The following SLAMF1 variants were observed in gnomAD, a reference collection of about 807,000 sequenced individuals.
The protein encoded by SLAMF1 is signaling lymphocytic activation molecule.
SLAMF1 carries 18 observed loss-of-function variants against 35.1 expected under a neutral mutation model. That is an observed-to-expected ratio of 0.51 (90% CI 0.35 to 0.76). The LOEUF (loss-of-function observed/expected upper bound fraction) is 0.76, where lower values mean the gene tolerates loss of function less well. Ranked by LOEUF, SLAMF1 falls within the 30% of genes least tolerant of loss-of-function variation. The pLI is 0.01. For synonymous variants in SLAMF1, 168 were observed against 157.2 expected (o/e 1.07, Z -0.51); for missense variants, 392 against 413.0 (o/e 0.95, Z 0.44).
At chr1:160,640,359 T>TATATATATATATATATATATAC (rs1361053277) in intron 1 of SLAMF1, among the ~76,000 whole-genome samples, 4 of 122,472 alleles carry the variant, frequency 3.3e-5, no homozygotes, top group Admixed American at 2.5e-4. Context: ...TATATATATA[T>TATATATATATATATATATATAC]ACACACACAC....
chr1:160,641,324 G>A (rs761041722), intron 1 of SLAMF1, among the ~76,000 whole-genome samples: 6 of 152,034 alleles, frequency 3.9e-5, no homozygotes, highest in African/African-American at 7.2e-5. Context: ...ATAACCCATC[G>A]CCACCACTCC....
In SLAMF1 at chr1:160,610,862, A is replaced by G; in HGVS notation, c.958-64T>C. On this transcript the variant is annotated intron_variant, in intron 6 of 6. Coordinates refer to ENST00000302035, the MANE Select transcript of SLAMF1 (RefSeq NM_003037.5). The stretch of plus-strand genomic sequence containing the variant: ...ATACTCACTTCACAGAATGCAAATG[A>G]AAACAGCACTGCTGAGGAAAAGGAA... 7 of 1,189,592 alleles carry G rather than the reference A, an allele frequency of 5.9e-6. No homozygotes were observed. In the South Asian group the frequency reaches 8.5e-5, roughly 14 times the overall value. The allele number at this position is 1,189,592 out of a possible 1,614,324, so 73.7% of individuals were successfully genotyped here. A position where few individuals can be genotyped will look rare whatever the true frequency, so the allele number is the denominator to read the frequency against.
At chr1:160,628,499 T>G (rs913971523) in intron 3 of SLAMF1, among the ~76,000 whole-genome samples, 7 of 152,236 alleles carry the variant, frequency 4.6e-5, no homozygotes, top group Non-Finnish European at 1.5e-5. Context: ...AGTTCCTTGA[T>G]TATAATATGT....
In SLAMF1 at chr1:160,608,351, C is replaced by T. The variant is rs5002947; in HGVS notation, c.*2397G>A. On this transcript the variant is annotated 3_prime_UTR_variant, in exon 7 of 7. Coordinates refer to ENST00000302035, the MANE Select transcript of SLAMF1 (RefSeq NM_003037.5). The stretch of plus-strand genomic sequence containing the variant: ...CCTCCTGACTTCTCTAGAATTCAGA[C>T]ATGCTTGGTCAAAAGAAAACAGCAT... 0.31 allele frequency: 47,737 copies of T among 152,044 alleles called. 7,816 individuals are homozygous for T. Among genetic ancestry groups the T allele is most frequent in the Middle Eastern group, 0.43 (125 of 292 alleles). 9.4% of individuals were successfully genotyped at this position (152,044 alleles called of 1,614,324 possible). A position where few individuals can be genotyped will look rare whatever the true frequency, so the allele number is the denominator to read the frequency against.
chr1:160,637,663 T>C (rs1660529100), intron 1 of SLAMF1, 134 bp from the exon 2 acceptor site: 1 of 634,456 alleles, frequency 1.6e-6, no homozygotes, highest in Non-Finnish European at 2.7e-6. Flanking sequence ...AAGTCCTTCG[T>C]GGTCTATAAG....
rs567246902 is a variant in SLAMF1 at position 160,627,632 on chromosome 1, G to A, written c.701-3447C>T. ...GGAAATCAAATGTCAGAGACCCCAT[G>A]CTCTTAGAAATTTGGATAAGTATGA... On this transcript the variant is annotated intron_variant, in intron 3 of 6. Transcript: ENST00000302035. Among the ~76,000 whole-genome samples, 5 of 152,266 alleles carry A rather than the reference G, an allele frequency of 3.3e-5. No individual in the cohort carries two copies. In the East Asian group the frequency reaches 9.6e-4, roughly 29 times the overall value.
At chr1:160,632,356 G>A (rs969872172) in intron 3 of SLAMF1, among the ~76,000 whole-genome samples, 7 of 152,086 alleles carry the variant, frequency 4.6e-5, no homozygotes, top group African/African-American at 1.2e-4. Context: ...AAACCGAGCC[G>A]AGATCCTGAC....
chr1:160,646,213 C>T (rs1661032512), intron 1 of SLAMF1, among the ~76,000 whole-genome samples: 1 of 152,154 alleles, frequency 6.6e-6, no homozygotes, highest in South Asian at 2.1e-4. Context: ...TCTGAGGGTT[C>T]CCAATTTGCA....
In SLAMF1 at chr1:160,619,795, G is replaced by A; in HGVS notation, c.845C>T (p.Ala282Val). 1 of 1,610,560 alleles carries A rather than the reference G, an allele frequency of 6.2e-7. No individual in the cohort carries two copies. The highest frequency in any genetic ancestry group is 1.1e-5 in the South Asian group (1 of 91,014). The change falls in exon 5 of 7, where the codon GCC becomes GTC. Residue 282 changes from alanine (A) to valine (V), a missense_variant. Ala to Val is a moderately conservative substitution (Grantham distance 64). Transcript: ENST00000302035. ...TVEKKSLTIY[A>V]QVQKPGPLQK... The stretch of plus-strand genomic sequence containing the variant: ...ACTTACACCTGGTTTCTGGACTTGG[G>A]CATAGATCGTAAGGCTTTTTTTTTC...
chr1:160,623,542 CA>C (rs1659727530), intron 4 of SLAMF1: 3 of 398,602 alleles, frequency 7.5e-6, no homozygotes, highest in Non-Finnish European at 1.3e-5. Flanking sequence ...GGTCTTGGGT[CA>C]GGACATTTTG....
chr1:160,644,512 A>T (rs528418196), intron 1 of SLAMF1, among the ~76,000 whole-genome samples: 1 of 152,370 alleles, frequency 6.6e-6, no homozygotes, highest in South Asian at 2.1e-4. Context: ...TCACTCAACA[A>T]ATATTTGTGG....
Position 160,638,472 on chromosome 1 carries a change from G to GT in SLAMF1, c.77-944dup, listed in dbSNP as rs939898623. On this transcript the variant is annotated intron_variant, in intron 1 of 6. Coordinates refer to ENST00000302035, the MANE Select transcript of SLAMF1 (RefSeq NM_003037.5). The stretch of plus-strand genomic sequence containing the variant: ...TTGCCTCTGTCCCTCACATTATCAG[G>GT]TTTTTTTTTACTAGGTTATTTCCAT... Among the ~76,000 whole-genome samples, 27 of 151,388 alleles carry GT rather than the reference G, an allele frequency of 1.8e-4. No individual in the cohort carries two copies. The South Asian group carries it at 3.3e-3, about 19-fold the overall frequency.
At chr1:160,637,133 C>A (rs771884062) in intron 2 of SLAMF1, 58 bp downstream of exon 2, 2 of 1,179,868 alleles carry the variant, frequency 1.7e-6, no homozygotes, top group Admixed American at 1.8e-5. Flanking sequence ...GACCTAAATT[C>A]TTGGTCAAAG....
intron 1 of SLAMF1, among the ~76,000 whole-genome samples, chr1:160,641,137 T>C (rs1051525221): frequency 6.6e-6 from 1 of 152,204 alleles, no homozygotes; most frequent in African/African-American, 2.4e-5. Context: ...CAGACTTTTG[T>C]ATAAAAAGTT....
Position 160,637,252 on chromosome 1 carries a change from G to A in SLAMF1, c.354C>T (p.Tyr118=). 6.2e-7 allele frequency: 1 copy of A among 1,614,036 alleles called. No homozygotes were observed. Among genetic ancestry groups the A allele is most frequent in the Non-Finnish European group, 8.5e-7 (1 of 1,179,982 alleles). The change falls in exon 2 of 7, where the codon TAC becomes TAT. Residue 118 remains tyrosine (Y), a synonymous_variant. Transcript: ENST00000302035. ...RESRKEDEGW[Y]LMTLEKNVSV... ...AAACATTTTTCTCCAGGGTCATAAG[G>A]TACCATCCCTCATCCTCCTTCCTGC...
chr1:160,618,063 ACT>A (rs1309713836), intron 5 of SLAMF1, among the ~76,000 whole-genome samples: 1 of 146,216 alleles, frequency 6.8e-6, no homozygotes, highest in Non-Finnish European at 1.5e-5. Context: ...ATAAAGCAAG[ACT>A]CTGTCAAAAA....
chr1:160,625,721 C>T (rs1021348445), intron 3 of SLAMF1, among the ~76,000 whole-genome samples: 1 of 151,938 alleles, frequency 6.6e-6, no homozygotes, highest in African/African-American at 2.4e-5. Context: ...GCAGAGAGTT[C>T]TGAATTTGTA....
At chr1:160,633,233 A>G (rs564692790) in intron 3 of SLAMF1, among the ~76,000 whole-genome samples, 2 of 152,262 alleles carry the variant, frequency 1.3e-5, no homozygotes, top group South Asian at 2.1e-4. Flanking sequence ...ACTGGGGGGT[A>G]GCCTCTGAAT....
Position 160,625,984 on chromosome 1 carries a change from C to T in SLAMF1, c.701-1799G>A, listed in dbSNP as rs573795627. 3.9e-5 allele frequency among the ~76,000 whole-genome samples: 6 copies of T among 152,266 alleles called. No homozygotes were observed. In the South Asian group the frequency reaches 6.2e-4, roughly 16 times the overall value. On this transcript the variant is annotated intron_variant, in intron 3 of 6. Coordinates refer to ENST00000302035, the MANE Select transcript of SLAMF1 (RefSeq NM_003037.5). ...AGCCAGTAGCCTGAACTTTGTGTTT[C>T]GTCAGCCTATGGAACTGATCCAGCA...
Sources: gnomAD v4.1 joint callset for allele counts (sites outside exome capture counted in the v4.1 genomes callset) on GRCh38, gnomAD v4.1.1 for gene constraint, MANE v1.5 for transcripts, NCBI Gene and HGNC (gene_info 2026-07-23, HGNC 2026-07-21) for gene names.